The following WDR27 variants were observed in gnomAD, a reference collection of about 807,000 sequenced individuals.
WDR27 encodes WD repeat-containing protein 27.
A neutral mutation model predicts 114.4 loss-of-function variants in WDR27; 100 were observed. The ratio of observed to expected loss-of-function variants is 0.87; its 90% CI spans 0.74 to 1.03. The LOEUF is 1.03. Ranked by LOEUF, WDR27 falls within the 50% of genes least tolerant of loss-of-function variation. The pLI, the probability that WDR27 is intolerant of heterozygous loss-of-function variation, is 0.00. For missense variants in WDR27, 1,129 were observed against 1,092.9 expected (o/e 1.03, Z -0.47); for synonymous variants, 449 against 423.1 (o/e 1.06, Z -0.75).
chr6:169,431,622 ACTTTAT>A, the WDR27 span, among the ~76,000 whole-genome samples: 1 of 151,986 alleles, frequency 6.6e-6, no homozygotes, highest in Non-Finnish European at 1.5e-5. Context: ...ATGAGTATGT[ACTTTAT>A]CTTTAGGTTC....
intron 25 of WDR27, among the ~76,000 whole-genome samples, chr6:169,480,889 GCT>G: frequency 6.7e-6 from 1 of 148,866 alleles, no homozygotes; most frequent in Non-Finnish European, 1.5e-5. Flanking sequence ...ACCAATCAGT[GCT>G]CTGTGTCTAG....
At chr6:169,615,880 C>T (rs1012528294) in intron 21 of WDR27, among the ~76,000 whole-genome samples, 7 of 151,544 alleles carry the variant, frequency 4.6e-5, no homozygotes, top group African/African-American at 1.5e-4. Flanking sequence ...GCAAACTATG[C>T]ATCTAACAAA....
At chr6:169,481,588 G>A (rs1213950596) in intron 25 of WDR27, among the ~76,000 whole-genome samples, 6 of 152,228 alleles carry the variant, frequency 3.9e-5, no homozygotes, top group Admixed American at 2.0e-4. Context: ...CCTGAGGCCA[G>A]TGAGACCATG....
Position 169,613,649 on chromosome 6 carries a change from G to C in WDR27, c.2231C>G (p.Ser744Ter), listed in dbSNP as rs767829969. 1 of 1,612,268 alleles carries C rather than the reference G, an allele frequency of 6.2e-7. No individual in the cohort carries two copies. The highest frequency in any genetic ancestry group is 1.1e-5 in the South Asian group (1 of 90,972). ...AGCCTGAGGCTGTTGGGTTGTAAAT[G>C]ATGAACCCTATAATTTTAAGGGGGA... ...VHQICQNKGSSFTTQQPQAYN... is the reference protein window; with the variant it reads ...VHQICQNKGS The change falls in exon 22 of 26, where the codon TCA becomes TGA. Residue 744 changes from serine (S) to a stop codon, truncating the protein, a stop_gained. Coordinates refer to ENST00000448612, the MANE Select transcript of WDR27 (RefSeq NM_182552.5). LOFTEE classifies it high-confidence loss of function.
intron 24 of WDR27, among the ~76,000 whole-genome samples, chr6:169,580,834 T>A (rs1803239874): frequency 6.6e-6 from 1 of 151,314 alleles, no homozygotes; most frequent in African/African-American, 2.4e-5. Context: ...TGGAAGAAAG[T>A]GGACTAATAT....
intron 21 of WDR27, among the ~76,000 whole-genome samples, chr6:169,614,737 A>G (rs1173293740): frequency 6.6e-6 from 1 of 152,136 alleles, no homozygotes; most frequent in Non-Finnish European, 1.5e-5. Flanking sequence ...AAGCTGTAAT[A>G]CATGTTTTAA....
intron 25 of WDR27, among the ~76,000 whole-genome samples, chr6:169,518,949 G>C (rs574050182): frequency 1.3e-5 from 2 of 152,278 alleles, no homozygotes; most frequent in Non-Finnish European, 2.9e-5. Flanking sequence ...TCCTTTACCA[G>C]ATACCCTAGG....
At chr6:169,664,800 T>G in intron 7 of WDR27, 1 of 995,428 alleles carries the variant, frequency 1.0e-6, no homozygotes, top group South Asian at 4.4e-5. Context: ...GGCCAACATC[T>G]TCAGGTTTTT....
chr6:169,489,408 G>A (rs550211112), intron 25 of WDR27, among the ~76,000 whole-genome samples: 41 of 152,340 alleles, frequency 2.7e-4, no homozygotes, highest in African/African-American at 9.4e-4. Flanking sequence ...GCACATGACC[G>A]TCTCCTACTT....
chr6:169,448,082 A>G, the WDR27 span, among the ~76,000 whole-genome samples: 7 of 152,326 alleles, frequency 4.6e-5, no homozygotes, highest in Non-Finnish European at 1.0e-4. Flanking sequence ...GTTGAAGTGC[A>G]TAAGATTTTA....
intron 14 of WDR27, among the ~76,000 whole-genome samples, chr6:169,651,178 C>A (rs532831873): frequency 2.9e-4 from 1 of 3,394 alleles, no homozygotes; most frequent in Non-Finnish European, 4.9e-4. Context: ...CACAGCAGTG[C>A]GGGGCGGGGG....
intron 23 of WDR27, among the ~76,000 whole-genome samples, chr6:169,595,103 TCATAGTAAGC>T (rs1806514085): frequency 2.0e-5 from 3 of 152,194 alleles, no homozygotes; most frequent in Admixed American, 2.0e-4. Context: ...AAGTTCAAGC[TCATAGTAAGC>T]CATGATCGTG....
chr6:169,546,272 A>C (rs930495556), intron 25 of WDR27, among the ~76,000 whole-genome samples: 6 of 152,208 alleles, frequency 3.9e-5, no homozygotes, highest in Admixed American at 1.3e-4. Context: ...CTGCATACCT[A>C]ATTTGCCCCA....
chr6:169,667,639 G>T (rs553318575), intron 5 of WDR27, among the ~76,000 whole-genome samples: 61 of 152,174 alleles, frequency 4.0e-4, no homozygotes, highest in Non-Finnish European at 6.8e-4. Context: ...ATTTTGTGCC[G>T]ACTGAACCCT....
intron 25 of WDR27, among the ~76,000 whole-genome samples, chr6:169,475,309 C>T (rs1336795258): frequency 6.6e-6 from 1 of 152,150 alleles, no homozygotes; most frequent in East Asian, 1.9e-4. Flanking sequence ...CAACCTCCAC[C>T]CTCCCTGGAT....
intron 25 of WDR27, among the ~76,000 whole-genome samples, chr6:169,556,735 A>T (rs1798947489): frequency 6.6e-6 from 1 of 152,246 alleles, no homozygotes; most frequent in South Asian, 2.1e-4. Flanking sequence ...AGAATACATT[A>T]AAAAAGAAAA....
chr6:169,491,258 G>C (rs1789715919), intron 25 of WDR27, among the ~76,000 whole-genome samples: 1 of 152,056 alleles, frequency 6.6e-6, no homozygotes, highest in Non-Finnish European at 1.5e-5. Context: ...TTTCTCTCTA[G>C]GTTTTATTAG....
chr6:169,690,131 A>G (rs1784098238), intron 1 of WDR27, among the ~76,000 whole-genome samples: 1 of 151,350 alleles, frequency 6.6e-6, no homozygotes. Context: ...TGAGGCCCTC[A>G]TGCTGGTCAT....
At chr6:169,612,988 C>A (rs1810946195) in intron 22 of WDR27, among the ~76,000 whole-genome samples, 1 of 152,164 alleles carries the variant, frequency 6.6e-6, no homozygotes, top group South Asian at 2.1e-4. Flanking sequence ...GAATTCCTGT[C>A]CTAAAAGATC....
Sources: gnomAD v4.1 joint callset for allele counts (sites outside exome capture counted in the v4.1 genomes callset) on GRCh38, gnomAD v4.1.1 for gene constraint, MANE v1.5 for transcripts, NCBI Gene and HGNC (gene_info 2026-07-23, HGNC 2026-07-21) for gene names.